The following LYPLAL1 variants were observed in gnomAD, a reference collection of about 807,000 sequenced individuals.
LYPLAL1 encodes the protein lysophospholipase-like protein 1.
In LYPLAL1, 23 loss-of-function variants were observed where a neutral mutation model predicts 19.7. The observed-to-expected ratio is 1.17, with a 90% CI of 0.84 to 1.65. The LOEUF is 1.65. LYPLAL1 is among the 40% of genes most tolerant of loss of function. The pLI is 0.00. For synonymous variants in LYPLAL1, 119 were observed against 96.3 expected, an observed-to-expected ratio of 1.24 and a Z score of -1.38; for missense variants, 355 against 279.4, an observed-to-expected ratio of 1.27 and a Z score of -1.93.
chr1:219,364,067 C>A, the LYPLAL1 span, among the ~76,000 whole-genome samples: 1 of 152,166 alleles, frequency 6.6e-6, no homozygotes, highest in Non-Finnish European at 1.5e-5. Flanking sequence ...CATCCCTGTT[C>A]TGCATGTGAT....
chr1:219,210,694 C>T (rs201173444), intron 4 of LYPLAL1, 47 bp downstream of exon 4: 35 of 1,532,478 alleles, frequency 2.3e-5, no homozygotes, highest in Non-Finnish European at 1.3e-5. Flanking sequence ...GAAATATATA[C>T]ATGTTAAAAC....
chr1:219,360,420 G>A, the LYPLAL1 span, among the ~76,000 whole-genome samples: 2 of 152,020 alleles, frequency 1.3e-5, no homozygotes. Context: ...ATTGAAATTC[G>A]TACTCGTAGA....
At chr1:219,444,380 T>C in the LYPLAL1 span, among the ~76,000 whole-genome samples, 3 of 152,184 alleles carry the variant, frequency 2.0e-5, no homozygotes, top group African/African-American at 7.2e-5. Context: ...ACATGTTTGG[T>C]TTGAAGTTTG....
At chr1:219,189,377 A>G (rs974301834) in intron 2 of LYPLAL1, among the ~76,000 whole-genome samples, 1 of 151,670 alleles carries the variant, frequency 6.6e-6, no homozygotes, top group African/African-American at 2.4e-5. Context: ...GATTTTAGTG[A>G]CAGTTTGACT....
At chr1:219,384,807 A>C in the LYPLAL1 span, among the ~76,000 whole-genome samples, 1 of 152,228 alleles carries the variant, frequency 6.6e-6, no homozygotes, top group African/African-American at 2.4e-5. Context: ...TGGCATTGAT[A>C]AAATAAGGAG....
At chr1:219,213,300 G>A (rs1659168810), downstream of LYPLAL1, among the ~76,000 whole-genome samples, 1 of 151,748 alleles carries the variant, frequency 6.6e-6, no homozygotes, top group Admixed American at 6.6e-5. Flanking sequence ...CCTTCAACCA[G>A]CATCACATAG....
At chr1:219,397,350 A>G in the LYPLAL1 span, among the ~76,000 whole-genome samples, 2 of 152,338 alleles carry the variant, frequency 1.3e-5, no homozygotes, top group South Asian at 2.1e-4. Context: ...ATCAATGTTC[A>G]TAAAGGATAT....
At chr1:219,344,357 G>A in the LYPLAL1 span, among the ~76,000 whole-genome samples, 1 of 152,184 alleles carries the variant, frequency 6.6e-6, no homozygotes, top group Non-Finnish European at 1.5e-5. Context: ...GGCATTGCAC[G>A]ATTCTCGTCT....
chr1:219,439,842 A>C, the LYPLAL1 span, among the ~76,000 whole-genome samples: 1 of 151,720 alleles, frequency 6.6e-6, no homozygotes, highest in South Asian at 2.1e-4. Flanking sequence ...AAGTTTGAAA[A>C]AAGCAATCCC....
chr1:219,420,354 C>T, the LYPLAL1 span, among the ~76,000 whole-genome samples: 5 of 152,124 alleles, frequency 3.3e-5, no homozygotes, highest in Admixed American at 2.0e-4. Flanking sequence ...AATATTAACC[C>T]GAATAATTTG....
At chr1:219,326,542 G>A in the LYPLAL1 span, among the ~76,000 whole-genome samples, 1 of 152,066 alleles carries the variant, frequency 6.6e-6, no homozygotes, top group African/African-American at 2.4e-5. Flanking sequence ...TCCCTTCTGG[G>A]ATTCTTGACT....
chr1:219,367,037 C>G, the LYPLAL1 span, among the ~76,000 whole-genome samples: 1 of 151,658 alleles, frequency 6.6e-6, no homozygotes, highest in African/African-American at 2.4e-5. Context: ...AACCCTTTTC[C>G]CACTTGCCCC....
the LYPLAL1 span, among the ~76,000 whole-genome samples, chr1:219,227,570 G>A: frequency 6.6e-6 from 1 of 152,128 alleles, no homozygotes; most frequent in Non-Finnish European, 1.5e-5. Context: ...GAAGGAGTTT[G>A]TAGTTTAAAT....
chr1:219,341,464 C>T, the LYPLAL1 span, among the ~76,000 whole-genome samples: 1 of 151,988 alleles, frequency 6.6e-6, no homozygotes, highest in East Asian at 1.9e-4. Context: ...AGAAAAGGTT[C>T]AATTTTATTT....
chr1:219,398,640 G>A, the LYPLAL1 span, among the ~76,000 whole-genome samples: 1 of 152,222 alleles, frequency 6.6e-6, no homozygotes, highest in Non-Finnish European at 1.5e-5. Context: ...GGCTTTTTGA[G>A]TTGTCAGAGT....
the LYPLAL1 span, among the ~76,000 whole-genome samples, chr1:219,369,209 G>A: frequency 1.3e-5 from 2 of 152,226 alleles, no homozygotes; most frequent in African/African-American, 2.4e-5. Flanking sequence ...GTCATCTTGT[G>A]TATAAAATGA....
the LYPLAL1 span, among the ~76,000 whole-genome samples, chr1:219,348,853 G>A: frequency 6.6e-6 from 1 of 151,822 alleles, no homozygotes; most frequent in Non-Finnish European, 1.5e-5. Context: ...AATGGCAAAG[G>A]ATGAAAAAAA....
chr1:219,202,372 G>A (rs1658182006), intron 3 of LYPLAL1, among the ~76,000 whole-genome samples: 1 of 152,204 alleles, frequency 6.6e-6, no homozygotes, highest in African/African-American at 2.4e-5. Flanking sequence ...GAGACTTACA[G>A]GTAGCTTAGT....
chr1:219,416,813 T>A, the LYPLAL1 span, among the ~76,000 whole-genome samples: 70 of 152,312 alleles, frequency 4.6e-4, no homozygotes, highest in Non-Finnish European at 7.5e-4. Flanking sequence ...TGTCGCCATC[T>A]GCTGGTTGCT....
Sources: allele counts gnomAD v4.1 joint callset (sites outside exome capture counted in the v4.1 genomes callset), GRCh38; gene constraint gnomAD v4.1.1; transcripts MANE v1.5; gene names NCBI Gene and HGNC (gene_info 2026-07-23, HGNC 2026-07-21).